GRAMD4: variants seen among roughly 807,000 people sequenced by gnomAD.
GRAMD4 encodes GRAM domain containing 4, also known as GRAM domain-containing protein 4.
A neutral mutation model predicts 83.9 loss-of-function variants in GRAMD4; 25 were observed. The observed-to-expected ratio is 0.30, with a 90% CI of 0.22 to 0.42. GRAMD4 has a LOEUF of 0.42. Ranked by LOEUF, GRAMD4 falls within the 10% of genes least tolerant of loss-of-function variation. GRAMD4 has a pLI of 1.00. For missense variants in GRAMD4, 593 were observed against 788.7 expected, an observed-to-expected ratio of 0.75 and a Z score of 2.97; for synonymous variants, 336 against 320.9, an observed-to-expected ratio of 1.05 and a Z score of -0.50.
chr22:46,590,615 G>T (rs1322045375), intron 1 of GRAMD4, among the ~76,000 whole-genome samples: 1 of 152,248 alleles, frequency 6.6e-6, no homozygotes, highest in Non-Finnish European at 1.5e-5. Context: ...ACCCGGGCTG[G>T]GCCCAGGTGA....
intron 15 of GRAMD4, 32 bp from the exon 16 acceptor site, chr22:46,674,625 G>A (rs1282485088): frequency 6.9e-7 from 1 of 1,451,422 alleles, no homozygotes; most frequent in Non-Finnish European, 9.7e-7. Flanking sequence ...ACTTCCAGTG[G>A]AAAGTGTGAC....
At chr22:46,583,722 G>A (rs2081119832) in intron 1 of GRAMD4, among the ~76,000 whole-genome samples, 1 of 152,248 alleles carries the variant, frequency 6.6e-6, no homozygotes, top group South Asian at 2.1e-4. Flanking sequence ...CTCTAACCAC[G>A]TCACGCCAGG....
Position 46,673,022 on chromosome 22 carries a change from G to A in GRAMD4, c.1239+25G>A, listed in dbSNP as rs779830928. Reference sequence around the variant, plus strand: ...GGTGAGCCCGGCCCCCAGCTGCGGGGATGGGGGGATGGGGGGCCACGAAGC... The same window carrying A: ...GGTGAGCCCGGCCCCCAGCTGCGGGAATGGGGGGATGGGGGGCCACGAAGC... On this transcript the variant is annotated intron_variant, in intron 14 of 18. Coordinates refer to ENST00000406902, the MANE Select transcript of GRAMD4 (RefSeq NM_015124.5). 2.3e-4 allele frequency: 350 copies of A among 1,516,126 alleles called. 2 individuals are homozygous for A. The highest frequency in any genetic ancestry group is 4.8e-5 in the Non-Finnish European group (55 of 1,134,298). The allele number at this position is 1,516,126 out of a possible 1,614,324, so 93.9% of individuals were successfully genotyped here. A position where few individuals can be genotyped will look rare whatever the true frequency, so the allele number is the denominator to read the frequency against.
chr22:46,628,382 G>A (rs1217491946), intron 2 of GRAMD4, among the ~76,000 whole-genome samples: 4 of 152,088 alleles, frequency 2.6e-5, no homozygotes, highest in Admixed American at 1.3e-4. Context: ...AGGCAGGTTC[G>A]TGTCCTGCCC....
At chr22:46,593,368 C>T (rs943650010) in intron 1 of GRAMD4, among the ~76,000 whole-genome samples, 21 of 151,978 alleles carry the variant, frequency 1.4e-4, no homozygotes, top group South Asian at 2.1e-4. Context: ...TGCAGCTGGA[C>T]GGTGAAAGGG....
rs780092311 is a variant in GRAMD4, at chr22:46,626,850, C to T, written c.51C>T (p.Asp17=). 10 of 1,613,792 alleles carry T rather than the reference C, an allele frequency of 6.2e-6. No individual in the cohort carries two copies. The East Asian group carries it at 1.3e-4, about 22-fold the overall frequency. Residue 17 remains aspartate (D), a synonymous_variant, in exon 2 of 19, where the codon GAC becomes GAT. Transcript: ENST00000406902. Reference sequence around the variant, plus strand: ...GGTTCAGAGGTCACAAGAGAGATGACTTCCTCGATCTAGCGGAGTCTCCAA... The same window carrying T: ...GGTTCAGAGGTCACAAGAGAGATGATTTCCTCGATCTAGCGGAGTCTCCAA... ...KIRFRGHKRD[D]FLDLAESPNA...
At chr22:46,643,135 GCATCCTTCCATCCATCCATC>G (rs2082004707) in intron 3 of GRAMD4, among the ~76,000 whole-genome samples, 3 of 7,992 alleles carry the variant, frequency 3.8e-4, no homozygotes, top group Admixed American at 1.6e-3. Flanking sequence ...ATCCATCCAT[GCATCCTTCCATCCATCCATC>G]CATCCATCCA....
chr22:46,681,521 G>A (rs2082671246), downstream of GRAMD4, among the ~76,000 whole-genome samples: 1 of 152,198 alleles, frequency 6.6e-6, no homozygotes, highest in African/African-American at 2.4e-5. Flanking sequence ...TACCAGAGGG[G>A]CTGTGCAACA....
At chr22:46,647,176 G>A (rs570486011) in intron 3 of GRAMD4, among the ~76,000 whole-genome samples, 2 of 152,318 alleles carry the variant, frequency 1.3e-5, no homozygotes, top group South Asian at 2.1e-4. Flanking sequence ...TGACGACTGT[G>A]AGTGGGTGAC....
chr22:46,677,315 T>TA lies in GRAMD4; in HGVS notation c.*65dup. On this transcript the variant is annotated 3_prime_UTR_variant, in exon 19 of 19. Coordinates refer to ENST00000406902, the MANE Select transcript of GRAMD4 (RefSeq NM_015124.5). ...CTTTTTCTTTTTCTTTTTTTTTTTT[T>TA]ACGATTTGGTAGTGGAAACAATTGG... The TA allele has an allele frequency of 6.7e-7, 1 of 1,496,672 alleles. No homozygotes were observed. The highest frequency in any genetic ancestry group is 8.9e-7 in the Non-Finnish European group (1 of 1,124,738). The allele number at this position is 1,496,672 out of a possible 1,614,324, so 92.7% of individuals were successfully genotyped here.
chr22:46,678,029 CCAGTAAGGGCA>C lies in GRAMD4; in HGVS notation c.*782_*792del, dbSNP rs1327411032. 2.0e-6 allele frequency: 2 copies of C among 985,598 alleles called. No homozygotes were observed. Among genetic ancestry groups the C allele is most frequent in the Admixed American group, 1.2e-4 (2 of 16,278 alleles). The allele number at this position is 985,598 out of a possible 1,614,324, so 61.1% of individuals were successfully genotyped here. On this transcript the variant is annotated 3_prime_UTR_variant, in exon 19 of 19. Coordinates refer to ENST00000406902, the MANE Select transcript of GRAMD4 (RefSeq NM_015124.5). The stretch of plus-strand genomic sequence containing the variant: ...CGGCCAGGAGGTCTGTAGCTGGGGA[CCAGTAAGGGCA>C]CAGGATGGTGCAGGTAAAAGCACAT...
chr22:46,681,335 C>G (rs1203585856), downstream of GRAMD4, among the ~76,000 whole-genome samples: 1 of 152,230 alleles, frequency 6.6e-6, no homozygotes, highest in African/African-American at 2.4e-5. Flanking sequence ...CAACAACTTG[C>G]CTGTTTTGCG....
At chr22:46,625,727 T>C (rs2081647888) in intron 1 of GRAMD4, among the ~76,000 whole-genome samples, 1 of 152,204 alleles carries the variant, frequency 6.6e-6, no homozygotes, top group African/African-American at 2.4e-5. Context: ...GGGCTGGGGC[T>C]GGGTGGCCTC....
At chr22:46,670,909 G>C (rs1289223240) in intron 13 of GRAMD4, 1 of 230,310 alleles carries the variant, frequency 4.3e-6, no homozygotes, top group African/African-American at 2.3e-5. Flanking sequence ...GGCCCCTGCT[G>C]TCCTTTTTTG....
chr22:46,609,089 T>G (rs142262785), intron 1 of GRAMD4, among the ~76,000 whole-genome samples: 16 of 147,490 alleles, frequency 1.1e-4, no homozygotes, highest in African/African-American at 3.8e-4. Context: ...GGTGAAAGAG[T>G]AAGACCTTGT....
chr22:46,596,058 G>C (rs554753409), intron 1 of GRAMD4, among the ~76,000 whole-genome samples: 1 of 152,228 alleles, frequency 6.6e-6, no homozygotes, highest in African/African-American at 2.4e-5. Context: ...TCACTTTCTC[G>C]TAATTCACTC....
At position 46,602,764 on chromosome 22, in the gene GRAMD4, T is replaced by C. The variant is rs541450923; in HGVS notation, c.-49-23987T>C. On this transcript the variant is annotated intron_variant, in intron 1 of 1. Coordinates refer to the GRAMD4 transcript ENST00000431155. ...CTTTATCTTTTGTCCATTTTTCTCT[T>C]TTTTTTTTTTTTTTGAGGCAGAGTC... Among the ~76,000 whole-genome samples the C allele has an allele frequency of 1.6e-3, 227 of 145,316 alleles. 1 individual carries two copies. Among genetic ancestry groups the C allele is most frequent in the African/African-American group, 5.6e-3 (219 of 39,254 alleles).
At chr22:46,592,313 G>A (rs937656501) in intron 1 of GRAMD4, among the ~76,000 whole-genome samples, 9 of 152,058 alleles carry the variant, frequency 5.9e-5, no homozygotes, top group Middle Eastern at 3.2e-3. Context: ...TTAATTGTAC[G>A]ATTAAAAACA....
rs1489068205 is a variant in GRAMD4, at chr22:46,658,168, G to T, written c.284-19G>T. ...CGTGGACATGAGCGATGGTCACCTG[G>T]CCGTTCTCTCCCCCATAGAGGAGGA... On this transcript the variant is annotated intron_variant, in intron 3 of 18. Coordinates refer to ENST00000406902, the MANE Select transcript of GRAMD4 (RefSeq NM_015124.5). 6.2e-7 allele frequency: 1 copy of T among 1,613,392 alleles called. No homozygotes were observed. The highest frequency in any genetic ancestry group is 1.1e-5 in the South Asian group (1 of 91,054).
Sources: allele counts gnomAD v4.1 joint callset (sites outside exome capture counted in the v4.1 genomes callset), GRCh38; gene constraint gnomAD v4.1.1; transcripts MANE v1.5; gene names NCBI Gene and HGNC (gene_info 2026-07-23, HGNC 2026-07-21).